Variants in NEDD4L observed in about 807,000 individuals in gnomAD.
NEDD4L encodes the protein E3 ubiquitin-protein ligase NEDD4-like.
NEDD4L carries 54 observed loss-of-function variants against 148.9 expected under a neutral mutation model. That is an observed-to-expected ratio of 0.36 (90% confidence interval 0.29 to 0.45). The LOEUF is 0.45. Ranked by LOEUF, NEDD4L falls within the 20% of genes least tolerant of loss-of-function variation. The probability of loss-of-function intolerance (pLI) is 1.00; values close to 1 mark genes in which losing one functional copy is unlikely to be tolerated. For missense variants in NEDD4L, 856 were observed against 1,233.8 expected, an observed-to-expected ratio of 0.69 and a Z score of 4.59; for synonymous variants, 433 against 440.7, an observed-to-expected ratio of 0.98 and a Z score of 0.22.
chr18:58,275,153 AT>A (rs1555782229), intron 5 of NEDD4L, among the ~76,000 whole-genome samples: 2 of 152,332 alleles, frequency 1.3e-5, no homozygotes, highest in Non-Finnish European at 2.9e-5. Context: ...TAGCATATAT[AT>A]TTTATGTTAT....
chr18:58,085,074 G>A (rs546117158), intron 1 of NEDD4L, among the ~76,000 whole-genome samples: 11 of 152,258 alleles, frequency 7.2e-5, no homozygotes, highest in Middle Eastern at 3.4e-3. Flanking sequence ...CTGGATTAGA[G>A]CCCAGCGTAA....
At chr18:58,150,256 C>T (rs544675152) in intron 1 of NEDD4L, among the ~76,000 whole-genome samples, 10 of 152,212 alleles carry the variant, frequency 6.6e-5, no homozygotes, top group South Asian at 2.1e-4. Flanking sequence ...TGTTTTGAGA[C>T]GGAGTTTCAC....
At chr18:58,265,788 C>T (rs1008575406) in intron 5 of NEDD4L, among the ~76,000 whole-genome samples, 1 of 151,996 alleles carries the variant, frequency 6.6e-6, no homozygotes, top group African/African-American at 2.4e-5. Flanking sequence ...GGTCTCAAAC[C>T]CCTGGCCTCA....
intron 19 of NEDD4L, 143 bp from the exon 20 acceptor site, chr18:58,364,125 A>G (rs2045840228): frequency 6.2e-6 from 4 of 645,226 alleles, no homozygotes; most frequent in South Asian, 5.4e-5. Flanking sequence ...CTGTGTAGAC[A>G]TTATCTAATT....
chr18:58,234,290 C>A (rs544354434), intron 2 of NEDD4L, among the ~76,000 whole-genome samples: 92 of 121,042 alleles, frequency 7.6e-4, no homozygotes, highest in Non-Finnish European at 1.1e-3. Context: ...CCCCCTTCTC[C>A]TTCCCCTTCC....
intron 5 of NEDD4L, among the ~76,000 whole-genome samples, chr18:58,299,289 C>T (rs1046808288): frequency 8.5e-5 from 13 of 152,232 alleles, no homozygotes; most frequent in Non-Finnish European, 1.9e-4. Flanking sequence ...CTCCTGTCTA[C>T]AGTTCCCTTA....
chr18:58,052,473 C>A (rs1214971068), intron 1 of NEDD4L, among the ~76,000 whole-genome samples: 1 of 152,044 alleles, frequency 6.6e-6, no homozygotes, highest in Non-Finnish European at 1.5e-5. Flanking sequence ...TGACTTCAGT[C>A]CTGCATTGAT....
At chr18:58,342,224 G>T (rs1439661326) in intron 15 of NEDD4L, among the ~76,000 whole-genome samples, 1 of 152,120 alleles carries the variant, frequency 6.6e-6, no homozygotes, top group Non-Finnish European at 1.5e-5. Flanking sequence ...TCATTCTATG[G>T]GCATACATGT....
At chr18:58,088,183 C>G (rs2083866051) in intron 1 of NEDD4L, among the ~76,000 whole-genome samples, 1 of 152,174 alleles carries the variant, frequency 6.6e-6, no homozygotes. Flanking sequence ...TTCAGGAGAC[C>G]AGGGGAAAGC....
chr18:58,053,038 A>G (rs148586847), intron 1 of NEDD4L, among the ~76,000 whole-genome samples: 188 of 152,338 alleles, frequency 1.2e-3, no homozygotes, highest in Non-Finnish European at 2.1e-3. Flanking sequence ...TGGTGGTCCC[A>G]TGAAGAGGAT....
intron 5 of NEDD4L, among the ~76,000 whole-genome samples, chr18:58,278,393 G>C (rs1471004249): frequency 1.3e-5 from 2 of 152,178 alleles, no homozygotes. Context: ...GCTGTGGCCA[G>C]CCTCTTATTC....
intron 5 of NEDD4L, chr18:58,314,542 A>T (rs1315917639): frequency 6.6e-6 from 1 of 152,264 alleles, no homozygotes; most frequent in African/African-American, 2.4e-5. Context: ...TGAGCTGGAT[A>T]GCAAGGCTGT....
At chr18:58,210,558 C>T (rs1012858882) in intron 2 of NEDD4L, among the ~76,000 whole-genome samples, 2 of 152,180 alleles carry the variant, frequency 1.3e-5, no homozygotes, top group Admixed American at 1.3e-4. Flanking sequence ...AGGTGCTTCT[C>T]CTGCCTCAGC....
intron 5 of NEDD4L, among the ~76,000 whole-genome samples, chr18:58,297,141 C>T (rs1302453488): frequency 6.6e-6 from 1 of 152,050 alleles, no homozygotes; most frequent in African/African-American, 2.4e-5. Flanking sequence ...CATTTAGGGC[C>T]CAGAACAATC....
intron 1 of NEDD4L, among the ~76,000 whole-genome samples, chr18:58,146,580 C>G (rs968931631): frequency 6.6e-6 from 1 of 152,160 alleles, no homozygotes; most frequent in Non-Finnish European, 1.5e-5. Context: ...AGCCCTGGCC[C>G]TAAAAAGTGC....
intron 27 of NEDD4L, 198 bp from the exon 28 acceptor site, chr18:58,388,887 C>G (rs994338651): frequency 1.8e-4 from 107 of 599,958 alleles, no homozygotes; most frequent in South Asian, 8.2e-4. Context: ...ATTGAGCTGC[C>G]CTCGTGACTG....
chr18:58,166,494 C>T (rs1441438765), intron 2 of NEDD4L, among the ~76,000 whole-genome samples: 1 of 152,182 alleles, frequency 6.6e-6, no homozygotes, highest in Non-Finnish European at 1.5e-5. Context: ...AGCCGTAGAG[C>T]CACCTGGCAC....
intron 5 of NEDD4L, among the ~76,000 whole-genome samples, chr18:58,282,422 C>T (rs1043074921): frequency 2.0e-5 from 3 of 152,126 alleles, no homozygotes; most frequent in Non-Finnish European, 2.9e-5. Flanking sequence ...TAAATGAATG[C>T]AGTAATTGAT....
Position 58,213,757 on chromosome 18 carries a change from GT to G in NEDD4L, c.123-31660del, listed in dbSNP as rs141270253. Reference sequence around the variant, plus strand: ...TCTTGATTTGGTTTTTGTTGTTGTTGTTTTTTTTTTAATTCTAGTCTGTTCT... The same window carrying G: ...TCTTGATTTGGTTTTTGTTGTTGTTGTTTTTTTTTAATTCTAGTCTGTTCT... On this transcript the variant is annotated intron_variant, in intron 2 of 30. Coordinates refer to ENST00000400345, the MANE Select transcript of NEDD4L (RefSeq NM_001144967.3). Among the ~76,000 whole-genome samples, 230 of 148,846 alleles carry G rather than the reference GT, an allele frequency of 1.5e-3. 1 individual carries two copies. Among genetic ancestry groups the G allele is most frequent in the African/African-American group, 5.3e-3 (217 of 40,700 alleles).
Sources: allele counts gnomAD v4.1 joint callset (sites outside exome capture counted in the v4.1 genomes callset), GRCh38; gene constraint gnomAD v4.1.1; transcripts MANE v1.5; gene names NCBI Gene and HGNC (gene_info 2026-07-23, HGNC 2026-07-21).